Variants in NRG3 observed in about 807,000 individuals in gnomAD.
NRG3 encodes pro-neuregulin-3, membrane-bound isoform.
Under a neutral mutation model 66.9 loss-of-function variants are expected in NRG3, and 31 were observed. The ratio of observed to expected loss-of-function variants is 0.46; its 90% confidence interval spans 0.35 to 0.63. NRG3 has a LOEUF of 0.63. NRG3 is among the 20% of genes least tolerant of loss of function. NRG3 has a pLI of 0.00. For missense variants in NRG3, 910 were observed against 878.9 expected (o/e 1.04, Z -0.45); for synonymous variants, 393 against 359.4 (o/e 1.09, Z -1.06).
chr10:82,330,976 A>G (rs1400325685), intron 1 of NRG3, among the ~76,000 whole-genome samples: 1 of 152,012 alleles, frequency 6.6e-6, no homozygotes, highest in Non-Finnish European at 1.5e-5. Context: ...TGGCTTTCAT[A>G]TTTACTGCAG....
intron 1 of NRG3, among the ~76,000 whole-genome samples, chr10:81,876,827 G>C (rs911222929): frequency 6.6e-6 from 1 of 152,098 alleles, no homozygotes; most frequent in Non-Finnish European, 1.5e-5. Context: ...GCCATTCCAA[G>C]GTGTAGACAT....
At chr10:82,394,508 T>G (rs993239859) in intron 2 of NRG3, among the ~76,000 whole-genome samples, 3 of 152,170 alleles carry the variant, frequency 2.0e-5, no homozygotes, top group African/African-American at 7.2e-5. Context: ...TTTTTTCCAT[T>G]TCTACTCTCT....
At chr10:82,251,823 C>T (rs1339612979) in intron 1 of NRG3, among the ~76,000 whole-genome samples, 8 of 152,108 alleles carry the variant, frequency 5.3e-5, no homozygotes, top group Admixed American at 5.2e-4. Flanking sequence ...TCACTGCAGG[C>T]CTGGGTGCTT....
At chr10:82,674,471 G>A (rs554921330) in intron 2 of NRG3, among the ~76,000 whole-genome samples, 16 of 151,900 alleles carry the variant, frequency 1.1e-4, no homozygotes, top group South Asian at 8.3e-4. Context: ...TAGCTTTCCC[G>A]AGAGTCATAT....
At chr10:82,163,542 A>C (rs1248570966) in intron 1 of NRG3, among the ~76,000 whole-genome samples, 1 of 152,198 alleles carries the variant, frequency 6.6e-6, no homozygotes, top group Non-Finnish European at 1.5e-5. Flanking sequence ...CAGTAGGTGA[A>C]TGAGACAAAT....
chr10:82,869,830 G>A (rs986351412), intron 4 of NRG3, among the ~76,000 whole-genome samples: 6 of 151,634 alleles, frequency 4.0e-5, no homozygotes, highest in African/African-American at 7.3e-5. Context: ...GGATGGTCTC[G>A]ATCTCCTGAC....
At chr10:82,802,335 A>G (rs1327072269) in intron 3 of NRG3, among the ~76,000 whole-genome samples, 1 of 152,144 alleles carries the variant, frequency 6.6e-6, no homozygotes. Flanking sequence ...TGAATGTGCA[A>G]AAGGGTTTGA....
intron 3 of NRG3, among the ~76,000 whole-genome samples, chr10:82,842,693 G>C (rs2063119302): frequency 1.3e-5 from 2 of 152,082 alleles, no homozygotes. Flanking sequence ...CTGAAACCAT[G>C]GATATTACTG....
At chr10:82,610,238 A>T (rs1282865994) in intron 2 of NRG3, among the ~76,000 whole-genome samples, 2 of 152,138 alleles carry the variant, frequency 1.3e-5, no homozygotes, top group Non-Finnish European at 2.9e-5. Flanking sequence ...CTTTTAAGTG[A>T]CTTGATTGGG....
intron 2 of NRG3, among the ~76,000 whole-genome samples, chr10:82,725,241 G>C (rs1394467965): frequency 6.6e-6 from 1 of 152,148 alleles, no homozygotes; most frequent in Admixed American, 6.5e-5. Flanking sequence ...TGCTGGTATG[G>C]TTTGTTCAGA....
chr10:82,817,277 C>A (rs2061752535), intron 3 of NRG3, among the ~76,000 whole-genome samples: 1 of 152,234 alleles, frequency 6.6e-6, no homozygotes, highest in Admixed American at 6.5e-5. Context: ...ATTTCAATAG[C>A]AAAATTACCA....
At chr10:82,127,355 C>T (rs2068511224) in intron 1 of NRG3, among the ~76,000 whole-genome samples, 1 of 152,068 alleles carries the variant, frequency 6.6e-6, no homozygotes. Flanking sequence ...GGCTTCTCTA[C>T]CTGCATGAAA....
chr10:82,344,620 A>T (rs2082885264), intron 1 of NRG3, among the ~76,000 whole-genome samples: 2 of 139,174 alleles, frequency 1.4e-5, no homozygotes, highest in Non-Finnish European at 3.0e-5. Flanking sequence ...CCAGTTCTAG[A>T]TCCCTGAGGA....
intron 1 of NRG3, among the ~76,000 whole-genome samples, chr10:82,301,143 G>A (rs1431597091): frequency 6.6e-6 from 1 of 152,170 alleles, no homozygotes; most frequent in Non-Finnish European, 1.5e-5. Context: ...TGTGACATCT[G>A]TTGAAATAAA....
chr10:82,840,329 C>G (rs1008458746), intron 3 of NRG3, among the ~76,000 whole-genome samples: 50 of 152,080 alleles, frequency 3.3e-4, no homozygotes, highest in South Asian at 6.2e-4. Flanking sequence ...CACCCTCCAC[C>G]CCACCTAGAC....
chr10:82,669,258 TAATAATAATA>T lies in NRG3; in HGVS notation c.954-69317_954-69308del. ...CAGCCATTTATGATGGTAATAATAA[TAATAATAATA>T]ATAATAATAATAATAATAATCAGAA... On this transcript the variant is annotated intron_variant, in intron 2 of 8. Coordinates refer to ENST00000372141, the MANE Select transcript of NRG3 (RefSeq NM_001010848.4). Among the ~76,000 whole-genome samples the T allele has an allele frequency of 2.6e-5, 3 of 117,042 alleles. No individual in the cohort carries two copies. In the Middle Eastern group the frequency reaches 0.012, roughly 468 times the overall value. 76.8% of individuals were successfully genotyped at this position (117,042 alleles called of 152,430 possible). A position where few individuals can be genotyped will look rare whatever the true frequency, so the allele number is the denominator to read the frequency against.
At chr10:82,027,396 C>T (rs2062362340) in intron 1 of NRG3, among the ~76,000 whole-genome samples, 1 of 152,100 alleles carries the variant, frequency 6.6e-6, no homozygotes, top group Middle Eastern at 3.4e-3. Context: ...ACTTTAGACC[C>T]TTATGTTATT....
At chr10:82,455,077 C>A (rs1239509221) in intron 2 of NRG3, among the ~76,000 whole-genome samples, 1 of 152,184 alleles carries the variant, frequency 6.6e-6, no homozygotes, top group Non-Finnish European at 1.5e-5. Flanking sequence ...ACTCCAAGCA[C>A]TCTTTACCTC....
chr10:82,366,957 G>A (rs933339880), intron 2 of NRG3, among the ~76,000 whole-genome samples: 8 of 152,086 alleles, frequency 5.3e-5, no homozygotes, highest in African/African-American at 9.7e-5. Context: ...TTTTTTAAAC[G>A]CAGGATATGT....
Sources: allele counts gnomAD v4.1 joint callset (sites outside exome capture counted in the v4.1 genomes callset), GRCh38; gene constraint gnomAD v4.1.1; transcripts MANE v1.5; gene names NCBI Gene and HGNC (gene_info 2026-07-23, HGNC 2026-07-21).